SLCO3A1: variants seen among roughly 807,000 people sequenced by gnomAD.
SLCO3A1 encodes the protein PGE1 transporter.
A neutral mutation model predicts 63.1 loss-of-function variants in SLCO3A1; 27 were observed. That is an observed-to-expected ratio of 0.43 (90% confidence interval 0.32 to 0.59). SLCO3A1 has a LOEUF of 0.59. SLCO3A1 is among the 20% of genes least tolerant of loss of function. SLCO3A1 has a pLI of 0.09. For synonymous variants in SLCO3A1, 473 were observed against 409.9 expected, an observed-to-expected ratio of 1.15 and a Z score of -1.86; for missense variants, 773 against 945.8, an observed-to-expected ratio of 0.82 and a Z score of 2.40.
At chr15:92,150,102 G>A (rs2048284961) in intron 8 of SLCO3A1, among the ~76,000 whole-genome samples, 2 of 152,180 alleles carry the variant, frequency 1.3e-5, no homozygotes, top group Non-Finnish European at 2.9e-5. Context: ...GCTGCCCTGG[G>A]ATGACTTACC....
At chr15:92,153,874 G>A (rs1330966844) in intron 9 of SLCO3A1, among the ~76,000 whole-genome samples, 1 of 152,220 alleles carries the variant, frequency 6.6e-6, no homozygotes, top group Non-Finnish European at 1.5e-5. Flanking sequence ...GGGGACAGAA[G>A]AAGATGGAGC....
intron 7 of SLCO3A1, among the ~76,000 whole-genome samples, chr15:92,134,041 A>C (rs2048027251): frequency 6.6e-6 from 1 of 152,242 alleles, no homozygotes. Flanking sequence ...GTTGGAAGAT[A>C]GCTATCATGG....
At chr15:91,970,478 G>A (rs977402667) in intron 2 of SLCO3A1, among the ~76,000 whole-genome samples, 7 of 152,190 alleles carry the variant, frequency 4.6e-5, no homozygotes, top group East Asian at 1.9e-4. Context: ...GTCAACACAC[G>A]AGAGTCAACA....
chr15:91,973,575 C>A (rs569798169), intron 2 of SLCO3A1, among the ~76,000 whole-genome samples: 17 of 152,272 alleles, frequency 1.1e-4, no homozygotes, highest in Middle Eastern at 3.4e-3. Context: ...TTGCAGGATT[C>A]GAGGGCGAGT....
chr15:92,122,325 GT>G (rs2047872468), intron 5 of SLCO3A1, among the ~76,000 whole-genome samples: 1 of 152,238 alleles, frequency 6.6e-6, no homozygotes, highest in Non-Finnish European at 1.5e-5. Flanking sequence ...GAGTCAGATT[GT>G]CTGCTGAGAG....
chr15:92,132,686 G>C (rs1399442104), intron 7 of SLCO3A1, among the ~76,000 whole-genome samples: 1 of 144,806 alleles, frequency 6.9e-6, no homozygotes, highest in African/African-American at 2.5e-5. Flanking sequence ...CAGCACTGCA[G>C]TTTGTAGGGT....
chr15:92,065,410 C>T (rs1303595057), intron 2 of SLCO3A1, among the ~76,000 whole-genome samples: 1 of 152,164 alleles, frequency 6.6e-6, no homozygotes, highest in East Asian at 1.9e-4. Context: ...TTGATCATTA[C>T]ACATGATATG....
At chr15:92,099,613 C>G (rs2047580250) in intron 3 of SLCO3A1, among the ~76,000 whole-genome samples, 1 of 152,104 alleles carries the variant, frequency 6.6e-6, no homozygotes, top group Non-Finnish European at 1.5e-5. Context: ...TTCATTTGAT[C>G]TTGGAAATGG....
chr15:92,074,133 T>C (rs917374019), intron 2 of SLCO3A1, among the ~76,000 whole-genome samples: 1 of 152,214 alleles, frequency 6.6e-6, no homozygotes, highest in Non-Finnish European at 1.5e-5. Flanking sequence ...ATCGTCCCAG[T>C]GTACTCCAGC....
chr15:92,154,238 G>A (rs1375008331), intron 9 of SLCO3A1, among the ~76,000 whole-genome samples: 4 of 152,222 alleles, frequency 2.6e-5, no homozygotes, highest in Non-Finnish European at 4.4e-5. Context: ...AAGAACTGGA[G>A]TCTTAGAAAG....
rs888682267 is a variant in SLCO3A1, at chr15:91,875,942, G to A, written c.180+21854G>A. ...GCTGCTATCTGGCCTTTACAGAAAA[G>A]GTTTGCTACCCCTGCTCTAGAATCT... is the stretch of plus-strand genomic sequence containing the variant. On this transcript the variant is annotated intron_variant, in intron 1 of 9. Transcript: ENST00000318445. This position sits in a 1 kb window ranked among gnomAD's most constrained non-coding sequence, Gnocchi z 4.5. Among the ~76,000 whole-genome samples the A allele has an allele frequency of 1.3e-5, 2 of 152,122 alleles. No individual in the cohort carries two copies. The highest frequency in any genetic ancestry group is 4.8e-5 in the African/African-American group (2 of 41,430).
In SLCO3A1 at chr15:91,950,546, T is replaced by C. The variant is rs1336758826; in HGVS notation, c.646+34088T>C. ...GGTGTGTGATCCTTTGTTTTTTTGC[T>C]GCAGGCTCCATAATGTCATCCGGTC... is the stretch of plus-strand genomic sequence containing the variant. On this transcript the variant is annotated intron_variant, in intron 2 of 9. Coordinates refer to ENST00000318445, the MANE Select transcript of SLCO3A1 (RefSeq NM_013272.4). The surrounding 1 kb of genome is among the most constrained non-coding windows in gnomAD (Gnocchi z 4.4). Among the ~76,000 whole-genome samples the C allele has an allele frequency of 1.3e-5, 2 of 152,264 alleles. No homozygotes were observed. Among genetic ancestry groups the C allele is most frequent in the Non-Finnish European group, 2.9e-5 (2 of 68,036 alleles).
chr15:92,169,997 C>T (rs747770973), downstream of SLCO3A1, among the ~76,000 whole-genome samples: 8 of 152,134 alleles, frequency 5.3e-5, no homozygotes, highest in East Asian at 1.9e-4. Flanking sequence ...ATTTTTGTCC[C>T]GTAAGATACA....
At chr15:92,021,726 G>T (rs571293251) in intron 2 of SLCO3A1, among the ~76,000 whole-genome samples, 2 of 152,288 alleles carry the variant, frequency 1.3e-5, no homozygotes, top group South Asian at 4.2e-4. Flanking sequence ...CCCTCAAGAA[G>T]CTTCCACTGT....
At chr15:91,918,172 G>A (rs1434331651) in intron 2 of SLCO3A1, among the ~76,000 whole-genome samples, 2 of 152,212 alleles carry the variant, frequency 1.3e-5, no homozygotes, top group Admixed American at 6.5e-5. Context: ...AAAGCTTTAT[G>A]GTGAGGAAGC....
At chr15:91,962,476 T>C (rs1222824321) in intron 2 of SLCO3A1, among the ~76,000 whole-genome samples, 1 of 40,514 alleles carries the variant, frequency 2.5e-5, no homozygotes, top group Non-Finnish European at 4.6e-5. Context: ...CGAAACTCCG[T>C]CTCAAAAAAA....
intron 2 of SLCO3A1, among the ~76,000 whole-genome samples, chr15:91,955,389 A>G (rs529409262): frequency 4.6e-5 from 7 of 151,640 alleles, no homozygotes; most frequent in Middle Eastern, 3.4e-3. Flanking sequence ...CTAGAGTGCA[A>G]TGGCGTGGTT....
Position 92,163,836 on chromosome 15 carries a change from A to T in SLCO3A1, c.*701A>T. ...TCTCACCAGCTCCATTTCCATGTTC[A>T]AGACTGAGGGCCTGAGGGGGAGCCA... On this transcript the variant is annotated 3_prime_UTR_variant, in exon 10 of 10. Coordinates refer to ENST00000318445, the MANE Select transcript of SLCO3A1 (RefSeq NM_013272.4). The T allele has an allele frequency of 4.1e-6, 4 of 985,524 alleles. No individual in the cohort carries two copies. Among genetic ancestry groups the T allele is most frequent in the Non-Finnish European group, 4.8e-6 (4 of 830,074 alleles). 61.0% of individuals were successfully genotyped at this position (985,524 alleles called of 1,614,324 possible). A position where few individuals can be genotyped will look rare whatever the true frequency, so the allele number is the denominator to read the frequency against.
At position 91,968,689 on chromosome 15, in the gene SLCO3A1, G is replaced by A. The variant is rs992839721; in HGVS notation, c.646+52231G>A. 1.3e-5 allele frequency among the ~76,000 whole-genome samples: 2 copies of A among 152,132 alleles called. No individual in the cohort carries two copies. The highest frequency in any genetic ancestry group is 2.9e-5 in the Non-Finnish European group (2 of 68,022). Reference sequence around the variant, plus strand: ...CTTCAGACAGAGAAAGGGTGCACACGCAGACCCGCAAGCACAGCCTTCGCA... The same window carrying A: ...CTTCAGACAGAGAAAGGGTGCACACACAGACCCGCAAGCACAGCCTTCGCA... On this transcript the variant is annotated intron_variant, in intron 2 of 9. Coordinates refer to ENST00000318445, the MANE Select transcript of SLCO3A1 (RefSeq NM_013272.4). This position sits in a 1 kb window ranked among gnomAD's most constrained non-coding sequence, Gnocchi z 4.2.
Sources: gnomAD v4.1 joint callset for allele counts (sites outside exome capture counted in the v4.1 genomes callset) on GRCh38, gnomAD v4.1.1 for gene constraint, Gnocchi (gnomAD v3.1) non-coding constraint, MANE v1.5 for transcripts, NCBI Gene and HGNC (gene_info 2026-07-23, HGNC 2026-07-21) for gene names.